Variants in HECTD4 observed in about 807,000 individuals in gnomAD.
HECTD4 encodes probable E3 ubiquitin-protein ligase HECTD4.
HECTD4 carries 114 observed loss-of-function variants against 471.5 expected under a neutral mutation model. That is an observed-to-expected ratio of 0.24 (90% CI 0.21 to 0.28). The LOEUF is 0.28. Ranked by LOEUF, HECTD4 falls within the 10% of genes least tolerant of loss-of-function variation. The pLI is 1.00. For synonymous variants in HECTD4, 2,012 were observed against 2,256.0 expected, an observed-to-expected ratio of 0.89 and a Z score of 3.07; for missense variants, 3,866 against 5,651.5, an observed-to-expected ratio of 0.68 and a Z score of 10.13.
chr12:112,170,266 C>G, intron 69 of HECTD4, 67 bp downstream of exon 69: 1 of 1,570,046 alleles, frequency 6.4e-7, no homozygotes, highest in Non-Finnish European at 8.7e-7. Flanking sequence ...CTTTTATGTT[C>G]CAGAAATCCG....
rs534991882 is a variant in HECTD4, at chr12:112,235,369, C to T, written c.5726-103G>A. 2 of 1,488,658 alleles carry T rather than the reference C, an allele frequency of 1.3e-6. No homozygotes were observed. Among genetic ancestry groups the T allele is most frequent in the Non-Finnish European group, 1.8e-6 (2 of 1,102,760 alleles). 92.2% of individuals were successfully genotyped at this position (1,488,658 alleles called of 1,614,324 possible). A position where few individuals can be genotyped will look rare whatever the true frequency, so the allele number is the denominator to read the frequency against. On this transcript the variant is annotated intron_variant, in intron 36 of 75. Coordinates refer to ENST00000682272, the MANE Select transcript of HECTD4 (RefSeq NM_001388303.1). This position sits in a 1 kb window ranked among gnomAD's most constrained non-coding sequence, Gnocchi z 5.0. ...TTTGGGATTTGGAATCTTTCTTCCC[C>T]CTTCTCTATTCCTGTCCCCGCTCCC...
intron 7 of HECTD4, among the ~76,000 whole-genome samples, chr12:112,295,962 T>C (rs1005920491): frequency 6.6e-6 from 1 of 152,044 alleles, no homozygotes; most frequent in Non-Finnish European, 1.5e-5. Context: ...GTGCCTGGCC[T>C]GATAAGGTGA....
rs781257466 is a variant in HECTD4, at chr12:112,256,565, G to GA, written c.3129-48dup. ...GATTTAGCTTAGCAGCCAAGGAAAG[G>GA]AAAAACAATGTAAACATTAAATTGC... On this transcript the variant is annotated intron_variant, in intron 20 of 75. Coordinates refer to ENST00000682272, the MANE Select transcript of HECTD4 (RefSeq NM_001388303.1). 15 of 1,315,772 alleles carry GA rather than the reference G, an allele frequency of 1.1e-5. 1 individual carries two copies. The South Asian group carries it at 2.7e-4, about 24-fold the overall frequency. The allele number at this position is 1,315,772 out of a possible 1,614,324, so 81.5% of individuals were successfully genotyped here. A position where few individuals can be genotyped will look rare whatever the true frequency, so the allele number is the denominator to read the frequency against.
chr12:112,313,173 A>G (rs757880144), intron 3 of HECTD4, 26 bp from the exon 4 acceptor site: 28 of 1,527,770 alleles, frequency 1.8e-5, no homozygotes, highest in Non-Finnish European at 2.4e-5. Flanking sequence ...AGAAAATCAC[A>G]AAGACACTGA....
intron 1 of HECTD4, among the ~76,000 whole-genome samples, chr12:112,363,134 GATTAT>G (rs2036488242): frequency 6.6e-6 from 1 of 151,934 alleles, no homozygotes; most frequent in African/African-American, 2.4e-5. Context: ...TCAGTAATTA[GATTAT>G]ATTAAATCTT....
intron 21 of HECTD4, 148 bp downstream of exon 21, chr12:112,256,172 T>C (rs945260999): frequency 1.9e-6 from 1 of 522,136 alleles, no homozygotes; most frequent in Non-Finnish European, 3.2e-6. Context: ...CCTTCAAAGA[T>C]AAGAACTTTA....
Position 112,228,678 on chromosome 12 carries a change from G to A in HECTD4, c.6653C>T (p.Pro2218Leu). The A allele has an allele frequency of 1.2e-6, 2 of 1,610,494 alleles. No homozygotes were observed. Among genetic ancestry groups the A allele is most frequent in the Non-Finnish European group, 1.7e-6 (2 of 1,179,204 alleles). Residue 2218 changes from proline (P) to leucine (L), a missense_variant, in exon 42 of 76, where the codon CCA (proline) becomes CTA (leucine). Physicochemically the swap from Pro to Leu is moderately conservative, Grantham distance 98 (BLOSUM62 -3). Around this residue, in one of 16 missense-constraint regions of HECTD4, gnomAD observed 617 missense variants for 915.1 expected, o/e 0.67. Coordinates refer to ENST00000682272, the MANE Select transcript of HECTD4 (RefSeq NM_001388303.1). This position sits in a 1 kb window ranked among gnomAD's most constrained non-coding sequence, Gnocchi z 4.9. Reference protein sequence around the residue: ...TSQASDTLTIPLSRLCVPRSE... With the variant: ...TSQASDTLTILLSRLCVPRSE... ...TCTTGGAACACAAAGTCTAGACAAT[G>A]GAATAGTCAATGTGTCTGACGCTTG...
rs1258292619 is a variant in HECTD4 at position 112,243,298 on chromosome 12, T to C, written c.4958+55A>G. 2.0e-6 allele frequency: 3 copies of C among 1,471,218 alleles called. No individual in the cohort carries two copies. In the East Asian group the frequency reaches 7.2e-5, roughly 35 times the overall value. 91.1% of individuals were successfully genotyped at this position (1,471,218 alleles called of 1,614,324 possible). ...TGTTTGGGTCCCAAGAATAATCTTT[T>C]GAATGGCTCTGACCATTCTAGAAAG... is the stretch of plus-strand genomic sequence containing the variant. On this transcript the variant is annotated intron_variant, in intron 32 of 75. Transcript: ENST00000682272. This position sits in a 1 kb window ranked among gnomAD's most constrained non-coding sequence, Gnocchi z 6.6.
At chr12:112,304,277 C>A (rs547058502) in intron 7 of HECTD4, among the ~76,000 whole-genome samples, 25 of 116,420 alleles carry the variant, frequency 2.1e-4, no homozygotes, top group African/African-American at 7.9e-4. Context: ...CAGGGTCTGT[C>A]TCTGTCACTC....
At position 112,250,175 on chromosome 12, in the gene HECTD4, G is replaced by A. The variant is rs1445057349; in HGVS notation, c.3919C>T (p.Arg1307Cys). Residue 1307 changes from arginine (R) to cysteine (C), a missense_variant, in exon 25 of 76, where the codon CGT (arginine) becomes TGT (cysteine). Physicochemically the swap from Arg to Cys is radical, Grantham distance 180. Coordinates refer to ENST00000682272, the MANE Select transcript of HECTD4 (RefSeq NM_001388303.1). ...CTTGGTCTAAATTGAGGTCTAGCAC[G>A]CCCAGAAATTTCCCTGAGCTTTATC... ...IMIKLREISG[R>C]ARPQFRPSIK... 3 of 1,613,592 alleles carry A rather than the reference G, an allele frequency of 1.9e-6. No individual in the cohort carries two copies. The highest frequency in any genetic ancestry group is 1.3e-5 in the African/African-American group (1 of 74,878).
intron 1 of HECTD4, among the ~76,000 whole-genome samples, chr12:112,374,596 T>C (rs562526441): frequency 6.6e-6 from 1 of 152,322 alleles, no homozygotes; most frequent in South Asian, 2.1e-4. Context: ...TGCATGGTAA[T>C]CAACACTACT....
Position 112,179,016 on chromosome 12 carries a change from C to T in HECTD4, c.11278G>A (p.Glu3760Lys). The change falls in exon 64 of 76, where the codon GAG becomes AAG. Residue 3760 changes from glutamate (E) to lysine (K), a missense_variant. Transcript: ENST00000682272. The surrounding 1 kb of genome is among the most constrained non-coding windows in gnomAD (Gnocchi z 4.3). ...CTCACCACCTTCACGGGGTGCTGCTCCTTCCCGGCCTTGCTGTACTTGCTC... is the reference window on the plus strand; with the variant it reads ...CTCACCACCTTCACGGGGTGCTGCTTCTTCCCGGCCTTGCTGTACTTGCTC... ...DKSKYSKAGK[E>K]QHPVKVVSTK... 2 of 1,613,804 alleles carry T rather than the reference C, an allele frequency of 1.2e-6. No homozygotes were observed. Among genetic ancestry groups the T allele is most frequent in the Non-Finnish European group, 1.7e-6 (2 of 1,179,864 alleles).
At chr12:112,269,546 C>G (rs367781524) in intron 13 of HECTD4, among the ~76,000 whole-genome samples, 158 bp downstream of exon 13, 1 of 152,136 alleles carries the variant, frequency 6.6e-6, no homozygotes, top group Non-Finnish European at 1.5e-5. Context: ...GAAGGTGGGG[C>G]CACAAACCCC....
chr12:112,229,252 G>C (rs1006100755), intron 41 of HECTD4, among the ~76,000 whole-genome samples: 1 of 152,086 alleles, frequency 6.6e-6, no homozygotes, highest in African/African-American at 2.4e-5. Context: ...ATTTGAACCC[G>C]GGAGACAGAG....
In HECTD4 at chr12:112,376,855, G is replaced by A. The variant is rs560451373; in HGVS notation, c.177+5097C>T. ...AGGCTGGGTGCAGTGGCTGACGCCT[G>A]TAATCCCAACTCTTTGGGAGGCGGA... On this transcript the variant is annotated intron_variant, in intron 1 of 75. Coordinates refer to ENST00000682272, the MANE Select transcript of HECTD4 (RefSeq NM_001388303.1). Among the ~76,000 whole-genome samples the A allele has an allele frequency of 5.3e-5, 8 of 152,270 alleles. No individual in the cohort carries two copies. In the South Asian group the frequency reaches 1.5e-3, roughly 28 times the overall value.
Position 112,382,137 on chromosome 12 carries a change from C to G in HECTD4, c.-9G>C. On this transcript the variant is annotated 5_prime_UTR_variant, in exon 1 of 76. Coordinates refer to ENST00000682272, the MANE Select transcript of HECTD4 (RefSeq NM_001388303.1). ...GCCGCCGACGAGCCCATGGCCCCGGCTGAAGGCTTGGCGCTGAGGAGCAGA... is the reference window on the plus strand; with the variant it reads ...GCCGCCGACGAGCCCATGGCCCCGGGTGAAGGCTTGGCGCTGAGGAGCAGA... 1 of 1,221,370 alleles carries G rather than the reference C, an allele frequency of 8.2e-7. No individual in the cohort carries two copies. Among genetic ancestry groups the G allele is most frequent in the African/African-American group, 1.6e-5 (1 of 63,138 alleles). The allele number at this position is 1,221,370 out of a possible 1,614,324, so 75.7% of individuals were successfully genotyped here. A position where few individuals can be genotyped will look rare whatever the true frequency, so the allele number is the denominator to read the frequency against.
At chr12:112,246,536 G>A (rs2033765938) in intron 29 of HECTD4, among the ~76,000 whole-genome samples, 1 of 152,160 alleles carries the variant, frequency 6.6e-6, no homozygotes, top group African/African-American at 2.4e-5. Flanking sequence ...TCAGGAGGCT[G>A]AAGCAGAAGA....
Position 112,243,391 on chromosome 12 carries a change from A to G in HECTD4, c.4920T>C (p.Leu1640=). The G allele has an allele frequency of 6.2e-7, 1 of 1,612,728 alleles. No individual in the cohort carries two copies. Among genetic ancestry groups the G allele is most frequent in the Non-Finnish European group, 8.5e-7 (1 of 1,179,324 alleles). ...AAVRVGGVTH[L]VGPVTMVLQG... is the part of the protein sequence containing the mutation. ...GAAGGACCATCGTCACTGGACCCACAAGATGCGTCACTCCCCCGACTCGTA... is the reference window on the plus strand; with the variant it reads ...GAAGGACCATCGTCACTGGACCCACGAGATGCGTCACTCCCCCGACTCGTA... The change falls in exon 32 of 76, where the codon CTT becomes CTC. Residue 1640 remains leucine (L), a synonymous_variant. Coordinates refer to ENST00000682272, the MANE Select transcript of HECTD4 (RefSeq NM_001388303.1). The surrounding 1 kb of genome is among the most constrained non-coding windows in gnomAD (Gnocchi z 6.6).
rs1158783252 is a variant in HECTD4 at position 112,194,588 on chromosome 12, TG to T, written c.8749+296del. On this transcript the variant is annotated intron_variant, in intron 56 of 75. Coordinates refer to ENST00000682272, the MANE Select transcript of HECTD4 (RefSeq NM_001388303.1). The surrounding 1 kb of genome is among the most constrained non-coding windows in gnomAD (Gnocchi z 4.6). ...TTTCTAATGTCAAATAGAATGTCTG[TG>T]GCAACAATACAGTGACTTGGTTTCA... Among the ~76,000 whole-genome samples the T allele has an allele frequency of 6.6e-6, 1 of 152,256 alleles. No homozygotes were observed. Among genetic ancestry groups the T allele is most frequent in the Non-Finnish European group, 1.5e-5 (1 of 68,044 alleles).
Sources: gnomAD v4.1 joint callset for allele counts (sites outside exome capture counted in the v4.1 genomes callset) on GRCh38, gnomAD v4.1.1 for gene constraint, gnomAD v4.1.1 regional missense constraint, Gnocchi (gnomAD v3.1) non-coding constraint, MANE v1.5 for transcripts, NCBI Gene and HGNC (gene_info 2026-07-23, HGNC 2026-07-21) for gene names.